NECAB1: variants seen among roughly 807,000 people sequenced by gnomAD.
NECAB1 encodes the protein N-terminal EF-hand calcium-binding protein 1.
NECAB1 carries 29 observed loss-of-function variants against 57.5 expected under a neutral mutation model. The ratio of observed to expected loss-of-function variants is 0.50; its 90% CI spans 0.38 to 0.69. The LOEUF (loss-of-function observed/expected upper bound fraction) is 0.69, where lower values mean the gene tolerates loss of function less well. NECAB1 is among the 30% of genes least tolerant of loss of function. The pLI, the probability that NECAB1 is intolerant of heterozygous loss-of-function variation, is 0.00. For synonymous variants in NECAB1, 142 were observed against 147.7 expected (o/e 0.96, Z 0.28); for missense variants, 372 against 413.8 (o/e 0.90, Z 0.88).
In NECAB1 at chr8:90,869,252, A is replaced by C. The variant is rs200359324; in HGVS notation, c.234-2876A>C. On this transcript the variant is annotated intron_variant, in intron 3 of 12. Transcript: ENST00000417640. ...TGCAGGGGTAGAACCCTCATGGAGA[A>C]TCTCTACTAGGGCAGAGCAGAGAGG... 2.0e-5 allele frequency among the ~76,000 whole-genome samples: 3 copies of C among 152,214 alleles called. No individual in the cohort carries two copies. The East Asian group carries it at 5.8e-4, about 29-fold the overall frequency.
At chr8:90,831,175 A>G (rs887448680) in intron 3 of NECAB1, among the ~76,000 whole-genome samples, 2 of 152,120 alleles carry the variant, frequency 1.3e-5, no homozygotes, top group African/African-American at 4.8e-5. Flanking sequence ...CCACTGGCTT[A>G]GCAAATACTC....
chr8:90,922,367 T>C (rs1405617218), intron 6 of NECAB1, among the ~76,000 whole-genome samples: 1 of 152,142 alleles, frequency 6.6e-6, no homozygotes, highest in Non-Finnish European at 1.5e-5. Context: ...GGAAAAGCTT[T>C]AATTTCACAA....
In NECAB1 at chr8:90,878,917, C is replaced by CTA. The variant is rs1438991590; in HGVS notation, c.260-2103_260-2102dup. Among the ~76,000 whole-genome samples the CTA allele has an allele frequency of 5.1e-3, 753 of 146,264 alleles. 8 individuals are homozygous for CTA. Among genetic ancestry groups the CTA allele is most frequent in the African/African-American group, 0.017 (681 of 40,128 alleles). Reference sequence around the variant, plus strand: ...AAAAAGAGGCTTTACCTCTCTCTCTCTATATATATATATAGTAAGTATTTT... The same window carrying CTA: ...AAAAAGAGGCTTTACCTCTCTCTCTCTATATATATATATATAGTAAGTATTTT... On this transcript the variant is annotated intron_variant, in intron 4 of 12. Transcript: ENST00000417640.
intron 5 of NECAB1, among the ~76,000 whole-genome samples, chr8:90,888,057 C>T (rs1418555826): frequency 6.6e-6 from 1 of 152,042 alleles, no homozygotes; most frequent in Non-Finnish European, 1.5e-5. Context: ...AATCCTTCCT[C>T]CCCATCCCAA....
intron 11 of NECAB1, among the ~76,000 whole-genome samples, chr8:90,950,260 A>G (rs1810898871): frequency 6.6e-6 from 1 of 152,104 alleles, no homozygotes. Context: ...TTTTCATAGG[A>G]TAGTCTGTGC....
At chr8:90,925,269 A>G (rs1415192396) in intron 6 of NECAB1, among the ~76,000 whole-genome samples, 4 of 149,576 alleles carry the variant, frequency 2.7e-5, no homozygotes, top group Non-Finnish European at 5.9e-5. Flanking sequence ...CTGAAAGTTG[A>G]CCAACAAAGG....
intron 5 of NECAB1, among the ~76,000 whole-genome samples, chr8:90,908,357 C>T: frequency 6.6e-6 from 1 of 151,988 alleles, no homozygotes; most frequent in East Asian, 1.9e-4. Flanking sequence ...TAAATTGAAT[C>T]CAATTTATGT....
chr8:90,884,522 T>G (rs1398777983), intron 5 of NECAB1, among the ~76,000 whole-genome samples: 3 of 152,168 alleles, frequency 2.0e-5, no homozygotes, highest in African/African-American at 7.2e-5. Flanking sequence ...TTCCCTTGTT[T>G]TAGGCAAAAT....
chr8:90,868,595 G>T (rs1189848309), intron 3 of NECAB1, among the ~76,000 whole-genome samples: 1 of 152,202 alleles, frequency 6.6e-6, no homozygotes, highest in Non-Finnish European at 1.5e-5. Context: ...ATTTGAGAGA[G>T]ATGATTTGGG....
At chr8:90,907,143 TGTGTGTGTGAGAGA>T (rs1276922967) in intron 5 of NECAB1, among the ~76,000 whole-genome samples, 99 of 106,654 alleles carry the variant, frequency 9.3e-4, no homozygotes, top group Middle Eastern at 4.6e-3. Flanking sequence ...TGTGTGTGTG[TGTGTGTGTGAGAGA>T]GAGAGAGAGA....
intron 4 of NECAB1, among the ~76,000 whole-genome samples, chr8:90,873,492 T>A (rs1381671749): frequency 6.6e-6 from 1 of 152,220 alleles, no homozygotes; most frequent in East Asian, 1.9e-4. Flanking sequence ...ACAGTCCTGG[T>A]CAGTGAAGTG....
Position 90,825,953 on chromosome 8 carries a change from C to T in NECAB1, c.233+1128C>T, listed in dbSNP as rs139551022. On this transcript the variant is annotated intron_variant, in intron 3 of 12. Transcript: ENST00000417640. ...TGGAGAAATAGACCAATCAGCTGAT[C>T]GTATCAATATAATTCATAAATGCTG... 2.1e-3 allele frequency among the ~76,000 whole-genome samples: 324 copies of T among 151,820 alleles called. 3 individuals carry two copies. Among genetic ancestry groups the T allele is most frequent in the African/African-American group, 7.3e-3 (302 of 41,468 alleles).
Position 90,858,245 on chromosome 8 carries a change from T to G in NECAB1, c.234-13883T>G, listed in dbSNP as rs192840043. On this transcript the variant is annotated intron_variant, in intron 3 of 12. Coordinates refer to ENST00000417640, the MANE Select transcript of NECAB1 (RefSeq NM_022351.5). ...AAAATATCAAAGGCTGTATCAATCT[T>G]TAAATAAAGACACTGAAGCCTGTTG... Among the ~76,000 whole-genome samples the G allele has an allele frequency of 3.5e-3, 538 of 152,244 alleles. 14 individuals carry two copies. The highest frequency in any genetic ancestry group is 0.031 in the Admixed American group (481 of 15,290).
intron 8 of NECAB1, among the ~76,000 whole-genome samples, chr8:90,930,254 A>C (rs1810374857): frequency 6.6e-6 from 1 of 152,218 alleles, no homozygotes; most frequent in South Asian, 2.1e-4. Context: ...GGCAGATTTG[A>C]AACACTTGAA....
chr8:90,946,695 C>A (rs929575009), intron 10 of NECAB1, among the ~76,000 whole-genome samples: 1 of 152,150 alleles, frequency 6.6e-6, no homozygotes, highest in Admixed American at 6.5e-5. Flanking sequence ...AAGGGAGAAC[C>A]AACAAGCTCT....
intron 3 of NECAB1, among the ~76,000 whole-genome samples, chr8:90,845,853 C>A (rs1812547150): frequency 6.6e-6 from 1 of 152,148 alleles, no homozygotes; most frequent in Non-Finnish European, 1.5e-5. Context: ...CTTTAAACAG[C>A]AGGGTGGTTT....
intron 3 of NECAB1, among the ~76,000 whole-genome samples, chr8:90,860,016 A>G (rs1021073378): frequency 6.6e-6 from 1 of 152,092 alleles, no homozygotes; most frequent in African/African-American, 2.4e-5. Context: ...GGTTAAGACC[A>G]TGCAGCTAGA....
intron 2 of NECAB1, 126 bp downstream of exon 2, chr8:90,801,841 A>G (rs1811763752): frequency 5.0e-6 from 3 of 605,902 alleles, no homozygotes; most frequent in Non-Finnish European, 8.3e-6. Flanking sequence ...TTATTGTACT[A>G]GTGATCGTTT....
intron 4 of NECAB1, among the ~76,000 whole-genome samples, chr8:90,875,039 A>T (rs1426151020): frequency 1.3e-5 from 2 of 151,810 alleles, no homozygotes; most frequent in Non-Finnish European, 2.9e-5. Flanking sequence ...TAAAGCTTTG[A>T]TTTTGTATTT....
Sources: gnomAD v4.1 joint callset for allele counts (sites outside exome capture counted in the v4.1 genomes callset) on GRCh38, gnomAD v4.1.1 for gene constraint, MANE v1.5 for transcripts, NCBI Gene and HGNC (gene_info 2026-07-23, HGNC 2026-07-21) for gene names.